Variants in ANAPC7 observed in about 807,000 individuals in gnomAD.
ANAPC7 encodes anaphase-promoting complex subunit 7.
A neutral mutation model predicts 63.3 loss-of-function variants in ANAPC7; 25 were observed. The observed-to-expected ratio is 0.39, with a 90% confidence interval of 0.29 to 0.55. The LOEUF is 0.55. Among genes scored for constraint, ANAPC7 ranks in the 20% least tolerant of loss-of-function variants. ANAPC7 has a pLI of 0.57. For missense variants in ANAPC7, 516 were observed against 691.7 expected, an observed-to-expected ratio of 0.75 and a Z score of 2.85; for synonymous variants, 241 against 251.7, an observed-to-expected ratio of 0.96 and a Z score of 0.40.
Position 110,403,694 on chromosome 12 carries a change from G to A in ANAPC7, c.-67C>T, listed in dbSNP as rs777399112. On this transcript the variant is annotated 5_prime_UTR_variant, in exon 1 of 11. Transcript: ENST00000455511. ...CGAAAAGCCGGTAGAGGATCCTTAG[G>A]GAAGACTCCAAAATGGCGGCGTCGC... is the stretch of plus-strand genomic sequence containing the variant. 3 of 1,552,624 alleles carry A rather than the reference G, an allele frequency of 1.9e-6. No homozygotes were observed. Among genetic ancestry groups the A allele is most frequent in the Non-Finnish European group, 2.6e-6 (3 of 1,147,704 alleles).
intron 6 of ANAPC7, among the ~76,000 whole-genome samples, chr12:110,385,298 G>A (rs1236575995): frequency 1.3e-5 from 2 of 152,056 alleles, no homozygotes; most frequent in Non-Finnish European, 2.9e-5. Context: ...CTGCCTCTCC[G>A]CAGCCCCCGC....
chr12:110,376,034 G>A, intron 10 of ANAPC7, 32 bp downstream of exon 10: 1 of 1,594,650 alleles, frequency 6.3e-7, no homozygotes, highest in Non-Finnish European at 8.6e-7. Flanking sequence ...ACCCTCCTCA[G>A]TGGCCTTCCC....
intron 9 of ANAPC7, among the ~76,000 whole-genome samples, 160 bp from the exon 10 acceptor site, chr12:110,376,376 T>C (rs766536374): frequency 6.6e-5 from 10 of 151,946 alleles, no homozygotes; most frequent in Non-Finnish European, 1.0e-4. Context: ...TTTTCCATCC[T>C]GGCTAACACA....
chr12:110,375,072 C>T (rs1416201646), intron 10 of ANAPC7, among the ~76,000 whole-genome samples: 3 of 152,236 alleles, frequency 2.0e-5, no homozygotes, highest in African/African-American at 7.2e-5. Flanking sequence ...TATTTTCTCA[C>T]TTGCTTCTGA....
At chr12:110,379,860 C>T (rs547445791) in intron 8 of ANAPC7, among the ~76,000 whole-genome samples, 44 of 152,288 alleles carry the variant, frequency 2.9e-4, no homozygotes, top group African/African-American at 1.0e-3. Flanking sequence ...CTGAAACTGG[C>T]ACAGCTCCTT....
chr12:110,378,779 A>G (rs1463767749), intron 8 of ANAPC7: 3 of 151,656 alleles, frequency 2.0e-5, no homozygotes, highest in African/African-American at 7.3e-5. Context: ...ATACTCCTCC[A>G]CCCTAGCAGC....
At chr12:110,389,032 A>C (rs1227913202) in intron 3 of ANAPC7, among the ~76,000 whole-genome samples, 1 of 150,382 alleles carries the variant, frequency 6.6e-6, no homozygotes, top group Non-Finnish European at 1.5e-5. Flanking sequence ...CAGTGAACCG[A>C]CATCACGCCA....
chr12:110,382,461 A>AAAATAT (rs1555289541), intron 7 of ANAPC7, among the ~76,000 whole-genome samples: 22 of 30,840 alleles, frequency 7.1e-4, no homozygotes, highest in South Asian at 1.7e-3. Context: ...AAAAAAAAAA[A>AAAATAT]ATATATATAT....
At chr12:110,396,516 CTT>C (rs201366440) in intron 1 of ANAPC7, 64 bp from the exon 2 acceptor site, 887 of 1,027,044 alleles carry the variant, frequency 8.6e-4, no homozygotes, top group South Asian at 1.1e-3. Flanking sequence ...CCCCCAGCTT[CTT>C]TTTTTTTTTT....
rs1883461202 is a variant in ANAPC7, at chr12:110,395,133, C to G, written c.376G>C (p.Asp126His). Residue 126 changes from aspartate to histidine, a missense_variant, in exon 3 of 11, where the codon GAT (aspartate) becomes CAT (histidine). By Grantham distance (81) the Asp-to-His change is moderately conservative. Around this residue, in one of 4 missense-constraint regions of ANAPC7, gnomAD observed 185 missense variants for 200.3 expected, o/e 0.92. Coordinates refer to ENST00000455511, the MANE Select transcript of ANAPC7 (RefSeq NM_016238.3). ...GTTCTTTGTCTTGAAGGGATCCCAT[C>G]AAGTATAGCAATGGCATCTTTATCT... ...KQDKDAIAIL[D>H]GIPSRQRTPK... The G allele has an allele frequency of 1.9e-6, 3 of 1,613,794 alleles. No individual in the cohort carries two copies. In the Admixed American group the frequency reaches 5.0e-5, roughly 27 times the overall value.
intron 1 of ANAPC7, among the ~76,000 whole-genome samples, chr12:110,402,073 G>C (rs1177887911): frequency 1.3e-5 from 2 of 152,070 alleles, no homozygotes; most frequent in African/African-American, 4.8e-5. Flanking sequence ...TACTTGGTTG[G>C]CTGAGGCAGG....
Position 110,387,807 on chromosome 12 carries a change from G to A in ANAPC7, c.606C>T (p.Leu202=). The change falls in exon 5 of 11, where the codon CTC becomes CTT. Residue 202 remains leucine, a synonymous_variant. Transcript: ENST00000455511. Reference sequence around the variant, plus strand: ...AAGCATACGCTTTGATCCACACAGAGAGCCAGTCCAAGTTAGGCACGGTTT... The same window carrying A: ...AAGCATACGCTTTGATCCACACAGAAAGCCAGTCCAAGTTAGGCACGGTTT... ...VIQTVPNLDW[L]SVWIKAYAFV... is the part of the protein sequence containing the mutation. 6.2e-7 allele frequency: 1 copy of A among 1,614,158 alleles called. No homozygotes were observed. Among genetic ancestry groups the A allele is most frequent in the South Asian group, 1.1e-5 (1 of 91,084 alleles).
At chr12:110,382,098 T>A in intron 7 of ANAPC7, 150 bp from the exon 8 acceptor site, 1 of 792,406 alleles carries the variant, frequency 1.3e-6, no homozygotes, top group Non-Finnish European at 1.8e-6. Flanking sequence ...AAGATATTAG[T>A]AGAAAAGCAA....
At chr12:110,382,500 A>G (rs1319574097) in intron 7 of ANAPC7, among the ~76,000 whole-genome samples, 1 of 136,666 alleles carries the variant, frequency 7.3e-6, no homozygotes, top group African/African-American at 2.7e-5. Context: ...ATATATTTAT[A>G]GAGACAGGGT....
intron 1 of ANAPC7, among the ~76,000 whole-genome samples, chr12:110,398,267 T>C (rs991169948): frequency 4.0e-5 from 6 of 151,630 alleles, no homozygotes; most frequent in African/African-American, 1.5e-4. Flanking sequence ...AACACAAAAA[T>C]TAGCCAGGCA....
chr12:110,398,161 A>C (rs1242410611), intron 1 of ANAPC7, among the ~76,000 whole-genome samples: 2 of 145,888 alleles, frequency 1.4e-5, no homozygotes, highest in Non-Finnish European at 1.5e-5. Flanking sequence ...CAGGAGAATG[A>C]CTTGAACCCA....
At chr12:110,386,508 T>C (rs760155593) in intron 5 of ANAPC7, 39 bp from the exon 6 acceptor site, 50 of 1,534,064 alleles carry the variant, frequency 3.3e-5, no homozygotes, top group Non-Finnish European at 4.4e-5. Flanking sequence ...TTTAAATCTA[T>C]TATAAATCCT....
chr12:110,387,212 T>TGGGAGAGA (rs2137950873), intron 5 of ANAPC7: 1 of 65,678 alleles, frequency 1.5e-5, no homozygotes, highest in East Asian at 5.6e-4. Context: ...CACTCTAGCC[T>TGGGAGAGA]GGGAGAGAGA....
rs1157209978 is a variant in ANAPC7, at chr12:110,373,905, G to A, written c.*239C>T. 1.6e-5 allele frequency: 7 copies of A among 439,268 alleles called. No homozygotes were observed. The highest frequency in any genetic ancestry group is 4.1e-5 in the Admixed American group (1 of 24,360). The allele number at this position is 439,268 out of a possible 1,614,324, so 27.2% of individuals were successfully genotyped here. A position where few individuals can be genotyped will look rare whatever the true frequency, so the allele number is the denominator to read the frequency against. On this transcript the variant is annotated 3_prime_UTR_variant, in exon 11 of 11. Coordinates refer to ENST00000455511, the MANE Select transcript of ANAPC7 (RefSeq NM_016238.3). The stretch of plus-strand genomic sequence containing the variant: ...AGCCCCAACATGTGCGTGGGTCTCG[G>A]GGCACTCCCTCAGTCCTCCCTGGCT...
Sources: gnomAD v4.1 joint callset for allele counts (sites outside exome capture counted in the v4.1 genomes callset) on GRCh38, gnomAD v4.1.1 for gene constraint, gnomAD v4.1.1 regional missense constraint, MANE v1.5 for transcripts, NCBI Gene and HGNC (gene_info 2026-07-23, HGNC 2026-07-21) for gene names.